Variants in BACH2 observed in about 807,000 individuals in gnomAD.
BACH2 encodes the protein BACH transcriptional regulator 2.
Under a neutral mutation model 61.8 loss-of-function variants are expected in BACH2, and 5 were observed. The ratio of observed to expected loss-of-function variants is 0.08; its 90% CI spans 0.04 to 0.17. The LOEUF (loss-of-function observed/expected upper bound fraction) is 0.17, where lower values mean the gene tolerates loss of function less well. Among genes scored for constraint, BACH2 ranks in the 10% least tolerant of loss-of-function variants. The pLI is 1.00. For synonymous variants in BACH2, 446 were observed against 440.1 expected (o/e 1.01, Z -0.17); for missense variants, 824 against 1,091.1 (o/e 0.76, Z 3.45).
intron 5 of BACH2, among the ~76,000 whole-genome samples, chr6:90,034,961 T>A (rs1043503125): frequency 6.6e-6 from 1 of 152,106 alleles, no homozygotes; most frequent in African/African-American, 2.4e-5. Flanking sequence ...TGCCAAAATA[T>A]GCAAACATAG....
intron 6 of BACH2, among the ~76,000 whole-genome samples, chr6:89,963,762 G>A (rs1385784824): frequency 1.3e-5 from 2 of 152,210 alleles, no homozygotes; most frequent in Non-Finnish European, 2.9e-5. Flanking sequence ...GTACACTCAT[G>A]TTCACAGCAG....
At chr6:90,209,954 A>C (rs1038275312) in intron 3 of BACH2, among the ~76,000 whole-genome samples, 11 of 152,268 alleles carry the variant, frequency 7.2e-5, no homozygotes, top group African/African-American at 2.6e-4. Context: ...GTGGGGTCTT[A>C]AAAACAATGT....
At chr6:89,939,039 T>C (rs911855718) in intron 7 of BACH2, among the ~76,000 whole-genome samples, 2 of 152,250 alleles carry the variant, frequency 1.3e-5, no homozygotes, top group African/African-American at 2.4e-5. Flanking sequence ...GAATTTATTT[T>C]CCAATTTTAC....
intron 7 of BACH2, among the ~76,000 whole-genome samples, chr6:89,940,810 T>C (rs910756610): frequency 6.6e-6 from 1 of 151,918 alleles, no homozygotes; most frequent in Non-Finnish European, 1.5e-5. Context: ...TAAAAATACT[T>C]CCAACATATA....
intron 5 of BACH2, among the ~76,000 whole-genome samples, chr6:90,077,872 T>C (rs1781542845): frequency 6.6e-6 from 1 of 152,144 alleles, no homozygotes. Flanking sequence ...GAGACTGATT[T>C]GAAGTCTCAG....
At chr6:90,110,328 C>T (rs207263) in intron 4 of BACH2, among the ~76,000 whole-genome samples, 79,985 of 152,042 alleles carry the variant, frequency 0.53, 21,596 homozygotes, top group African/African-American at 0.61. Flanking sequence ...ACTTTTTTTA[C>T]TTTGTTAATA....
intron 4 of BACH2, among the ~76,000 whole-genome samples, chr6:90,163,220 C>A (rs952961326): frequency 6.6e-6 from 1 of 152,122 alleles, no homozygotes; most frequent in African/African-American, 2.4e-5. Flanking sequence ...TCCTTCTACA[C>A]AAAAGGGGAA....
intron 1 of BACH2, 46 bp from the exon 2 acceptor site, chr6:90,271,987 C>G (rs1288962120): frequency 6.6e-6 from 1 of 152,294 alleles, no homozygotes; most frequent in Non-Finnish European, 1.5e-5. Flanking sequence ...TATAACAAAA[C>G]GTAGTATCAT....
At chr6:89,989,180 T>C (rs1231074633) in intron 6 of BACH2, among the ~76,000 whole-genome samples, 1 of 152,234 alleles carries the variant, frequency 6.6e-6, no homozygotes, top group African/African-American at 2.4e-5. Context: ...AAATATTTCA[T>C]GTGACCTAGA....
rs1003204059 is a variant in BACH2 at position 89,932,337 on chromosome 6, A to G, written c.*71T>C. 6.4e-7 allele frequency: 1 copy of G among 1,553,320 alleles called. No homozygotes were observed. The highest frequency in any genetic ancestry group is 8.7e-7 in the Non-Finnish European group (1 of 1,143,768). ...TCGGTTTCTTCGGGACAGCAGATGA[A>G]CAGTGCCACAGGCTGACTGAAGAAC... is the stretch of plus-strand genomic sequence containing the variant. On this transcript the variant is annotated 3_prime_UTR_variant, in exon 9 of 9. Coordinates refer to ENST00000257749, the MANE Select transcript of BACH2 (RefSeq NM_021813.4).
chr6:90,204,156 C>G (rs559640790), intron 4 of BACH2, among the ~76,000 whole-genome samples: 1 of 152,232 alleles, frequency 6.6e-6, no homozygotes, highest in South Asian at 2.1e-4. Context: ...CCGAACACCT[C>G]CCTAACTGAA....
intron 4 of BACH2, among the ~76,000 whole-genome samples, chr6:90,128,767 G>A (rs1442392071): frequency 6.6e-6 from 1 of 152,180 alleles, no homozygotes; most frequent in Non-Finnish European, 1.5e-5. Context: ...GCACACATAT[G>A]TTTATTGCAG....
chr6:90,049,930 A>C (rs1007571106), intron 5 of BACH2, among the ~76,000 whole-genome samples: 1 of 152,206 alleles, frequency 6.6e-6, no homozygotes, highest in African/African-American at 2.4e-5. Context: ...TGACAAACTA[A>C]GGTTACTCAG....
At chr6:90,020,081 T>C (rs528589285) in intron 5 of BACH2, among the ~76,000 whole-genome samples, 7 of 152,358 alleles carry the variant, frequency 4.6e-5, no homozygotes, top group South Asian at 2.1e-4. Context: ...TTCTTGAATA[T>C]ATTACATTAT....
intron 8 of BACH2, among the ~76,000 whole-genome samples, chr6:89,935,896 A>G (rs7739537): frequency 0.29 from 44,010 of 152,128 alleles, 6,411 homozygotes; most frequent in Admixed American, 0.32. Flanking sequence ...ACCTAAGCCC[A>G]GCAGGCTTTC....
intron 6 of BACH2, among the ~76,000 whole-genome samples, chr6:89,964,731 A>G (rs1394063204): frequency 6.6e-6 from 1 of 152,206 alleles, no homozygotes; most frequent in Non-Finnish European, 1.5e-5. Context: ...CTAATTCTGT[A>G]CATGGGAATA....
chr6:89,974,822 T>C (rs1228421207), intron 6 of BACH2, among the ~76,000 whole-genome samples: 16 of 152,202 alleles, frequency 1.1e-4, no homozygotes, highest in Non-Finnish European at 2.1e-4. Flanking sequence ...ACAAATGCTA[T>C]AATTTTCTTG....
chr6:90,225,309 C>T (rs543295613), intron 3 of BACH2, among the ~76,000 whole-genome samples: 2 of 152,028 alleles, frequency 1.3e-5, no homozygotes, highest in Non-Finnish European at 2.9e-5. Context: ...CAAGCCCAGG[C>T]CCGGGAGTTC....
chr6:90,080,094 CA>C lies in BACH2; in HGVS notation c.-13+8866del, dbSNP rs1781659431. On this transcript the variant is annotated intron_variant, in intron 5 of 8. Transcript: ENST00000257749. ...CCAATCTTCCGCAAAGAAATGTACC[CA>C]AAAACTTTTCTGTAAATTCAGGAAG... 1.3e-5 allele frequency among the ~76,000 whole-genome samples: 2 copies of C among 152,204 alleles called. 1 individual carries two copies. The highest frequency in any genetic ancestry group is 4.8e-5 in the African/African-American group (2 of 41,528).
Sources: gnomAD v4.1 joint callset for allele counts (sites outside exome capture counted in the v4.1 genomes callset) on GRCh38, gnomAD v4.1.1 for gene constraint, MANE v1.5 for transcripts, NCBI Gene and HGNC (gene_info 2026-07-23, HGNC 2026-07-21) for gene names.